The following BCCIP variants were observed in gnomAD, a reference collection of about 807,000 sequenced individuals.
The protein encoded by BCCIP is BRCA2 and CDKN1A interacting protein, also known as BRCA2 and CDKN1A-interacting protein.
In BCCIP, 23 loss-of-function variants were observed where a neutral mutation model predicts 32.8. That is an observed-to-expected ratio of 0.70 (90% CI 0.51 to 0.99). The LOEUF (loss-of-function observed/expected upper bound fraction) is 0.99, where lower values mean the gene tolerates loss of function less well. Among genes scored for constraint, BCCIP ranks in the 50% least tolerant of loss-of-function variants. BCCIP has a pLI of 0.00. For missense variants in BCCIP, 378 were observed against 379.8 expected, an observed-to-expected ratio of 1.00 and a Z score of 0.04; for synonymous variants, 144 against 137.6, an observed-to-expected ratio of 1.05 and a Z score of -0.33.
downstream of BCCIP, among the ~76,000 whole-genome samples, chr10:125,837,903 A>C (rs1338436480): frequency 6.6e-6 from 1 of 152,150 alleles, no homozygotes; most frequent in Non-Finnish European, 1.5e-5. Flanking sequence ...AAGATGGCTA[A>C]GCTCATTCCT....
intron 3 of BCCIP, among the ~76,000 whole-genome samples, chr10:125,828,745 G>C (rs549432832): frequency 4.6e-5 from 7 of 152,138 alleles, no homozygotes; most frequent in Non-Finnish European, 7.3e-5. Context: ...CATTTATTTG[G>C]CTAATGGATC....
chr10:125,827,586 C>T lies in BCCIP; in HGVS notation c.269C>T (p.Ala90Val), dbSNP rs1444395866. The T allele has an allele frequency of 5.6e-6, 9 of 1,612,734 alleles. No individual in the cohort carries two copies. Among genetic ancestry groups the T allele is most frequent in the Non-Finnish European group, 7.6e-6 (9 of 1,178,852 alleles). The change falls in exon 3 of 7, where the codon GCA becomes GTA. Residue 90 changes from alanine to valine, a missense_variant. By Grantham distance (64) the Ala-to-Val change is moderately conservative. Coordinates refer to ENST00000278100, the MANE Select transcript of BCCIP (RefSeq NM_078468.3). ...TTTCTAAAGGCTCCTGTGAACACTG[C>T]AGAACTAACAGATCTCTTAATTCAA... ...QLFLKAPVNT[A>V]ELTDLLIQQN... is the part of the protein sequence containing the mutation.
chr10:125,823,566 C>G lies in BCCIP; in HGVS notation c.9C>G (p.Ser3=). Residue 3 remains serine (S), a synonymous_variant, in exon 1 of 7, where the codon TCC becomes TCG. Coordinates refer to ENST00000278100, the MANE Select transcript of BCCIP (RefSeq NM_078468.3). MA[S]RSKRRAVESG... ...GCAGTGTGAGCGGCAACATGGCGTC[C>G]AGGTCTAAGCGGCGTGCCGTGGAAA... 1 of 1,613,766 alleles carries G rather than the reference C, an allele frequency of 6.2e-7. No homozygotes were observed. Among genetic ancestry groups the G allele is most frequent in the Non-Finnish European group, 8.5e-7 (1 of 1,179,880 alleles).
Position 125,836,245 on chromosome 10 carries a change from G to C in BCCIP, c.916G>C (p.Asp306His). The C allele has an allele frequency of 1.2e-6, 2 of 1,614,200 alleles. No homozygotes were observed. Among genetic ancestry groups the C allele is most frequent in the Non-Finnish European group, 1.7e-6 (2 of 1,180,038 alleles). The change falls in exon 7 of 7, where the codon GAT becomes CAT. Residue 306 changes from aspartate to histidine, a missense_variant. Asp to His is a moderately conservative substitution (Grantham distance 81). Transcript: ENST00000278100. Reference protein sequence around the residue: ...IPGDKMNEIMDKLKEYLSV With the variant: ...IPGDKMNEIMHKLKEYLSV Reference sequence around the variant, plus strand: ...AGGCGACAAGATGAACGAAATCATGGATAAACTGAAAGAATATCTATCTGT... The same window carrying C: ...AGGCGACAAGATGAACGAAATCATGCATAAACTGAAAGAATATCTATCTGT...
At chr10:125,842,112 T>G in exon 7 of BCCIP, 1 of 804,940 alleles carries the variant, frequency 1.2e-6, no homozygotes, top group Non-Finnish European at 1.8e-6. Context: ...GAGGGCAAAC[T>G]CAGGAGGGGA....
downstream of BCCIP, chr10:125,841,453 TTTC>T: frequency 1.9e-6 from 3 of 1,539,646 alleles, no homozygotes; most frequent in South Asian, 3.7e-5. Flanking sequence ...AGTGACACAT[TTTC>T]TTCATCTGCA....
At chr10:125,824,082 C>T (rs886850581) in intron 1 of BCCIP, among the ~76,000 whole-genome samples, 1 of 152,234 alleles carries the variant, frequency 6.6e-6, no homozygotes, top group Non-Finnish European at 1.5e-5. Flanking sequence ...CAGCTGTCCT[C>T]CTCTTCACTC....
chr10:125,838,257 C>T, downstream of BCCIP: 1 of 1,612,994 alleles, frequency 6.2e-7, no homozygotes, highest in Non-Finnish European at 8.5e-7. Flanking sequence ...CTCAGAAATG[C>T]TGAATTTATG....
downstream of BCCIP, chr10:125,841,540 G>C: frequency 7.0e-7 from 1 of 1,421,698 alleles, no homozygotes; most frequent in Admixed American, 3.1e-5. Flanking sequence ...CTTTGAGTTA[G>C]TTTTCTTAAG....
rs181041360 is a variant in BCCIP, at chr10:125,849,618, G to A, written c.851-3507G>A. ...ATTTGCTCGACTCTCTGGGCTGTTT[G>A]GGCAGTGCCAGTCCTGCCGGTAGGT... On this transcript the variant is annotated intron_variant, in intron 7 of 7. Coordinates refer to the BCCIP transcript ENST00000368759. Among the ~76,000 whole-genome samples the A allele has an allele frequency of 2.1e-4, 32 of 152,266 alleles. 1 individual carries two copies. The highest frequency in any genetic ancestry group is 7.2e-4 in the African/African-American group (30 of 41,572).
rs1212639398 is a variant in BCCIP, at chr10:125,836,129, CAG to C, written c.801_802del (p.Val268AlafsTer15). ...AAGGCAATTCTCAAGTTCAACTACTCAGTGCAGGAGGAGAGCGACACTTGTCT... is the reference window on the plus strand; with the variant it reads ...AAGGCAATTCTCAAGTTCAACTACTCTGCAGGAGGAGAGCGACACTTGTCT... On this transcript the variant is annotated frameshift_variant, in exon 7 of 7. Transcript: ENST00000278100. LOFTEE classifies it high-confidence loss of function. The C allele has an allele frequency of 1.9e-6, 3 of 1,613,726 alleles. No homozygotes were observed. The highest frequency in any genetic ancestry group is 2.5e-6 in the Non-Finnish European group (3 of 1,179,736).
In BCCIP at chr10:125,827,443, C is replaced by G. The variant is rs3740207; in HGVS notation, c.241-115C>G. 6.6e-4 allele frequency: 443 copies of G among 672,754 alleles called. 4 individuals carry two copies. The East Asian group carries it at 0.011, about 17-fold the overall frequency. 41.7% of individuals were successfully genotyped at this position (672,754 alleles called of 1,614,324 possible). On this transcript the variant is annotated intron_variant, in intron 2 of 6. Coordinates refer to ENST00000278100, the MANE Select transcript of BCCIP (RefSeq NM_078468.3). Reference sequence around the variant, plus strand: ...TTCTTTCCCTCTTGGGGTTGCTTTTCTAGATCATCATCTTAAGTCACAGAA... The same window carrying G: ...TTCTTTCCCTCTTGGGGTTGCTTTTGTAGATCATCATCTTAAGTCACAGAA...
In BCCIP at chr10:125,848,157, AG is replaced by A. The variant is rs144276314; in HGVS notation, c.851-4963del. 4.8e-3 allele frequency among the ~76,000 whole-genome samples: 729 copies of A among 152,312 alleles called. 7 individuals are homozygous for A. Among genetic ancestry groups the A allele is most frequent in the African/African-American group, 0.016 (663 of 41,558 alleles). On this transcript the variant is annotated intron_variant, in intron 7 of 7. Transcript: ENST00000368759. ...TTGGGCATTGTGTAAAAGAGTCCAC[AG>A]GGGGAGAAACTGAAGAATGAAGAGA...
chr10:125,827,265 T>C lies in BCCIP; in HGVS notation c.241-293T>C, dbSNP rs1185322459. Among the ~76,000 whole-genome samples, 14 of 152,160 alleles carry C rather than the reference T, an allele frequency of 9.2e-5. 1 individual carries two copies. Among genetic ancestry groups the C allele is most frequent in the Admixed American group, 8.5e-4 (13 of 15,286 alleles). On this transcript the variant is annotated intron_variant, in intron 2 of 6. Transcript: ENST00000278100. ...ACTTTGGTTCTTTAGCCTTTATAGC[T>C]CTACCGTCTTTTTCACCAAATTCTT... is the stretch of plus-strand genomic sequence containing the variant.
At chr10:125,849,612 C>G (rs530125322) in intron 7 of BCCIP, among the ~76,000 whole-genome samples, 1 of 152,146 alleles carries the variant, frequency 6.6e-6, no homozygotes. Flanking sequence ...ACTCTCTGGG[C>G]TGTTTGGGCA....
At chr10:125,836,761 C>A (rs773018038), downstream of BCCIP, 1 of 1,614,164 alleles carries the variant, frequency 6.2e-7, no homozygotes, top group South Asian at 1.1e-5. Context: ...ATTGTTGACA[C>A]AGGGGATAGG....
At chr10:125,841,255 G>C, downstream of BCCIP, 3 of 1,613,812 alleles carry the variant, frequency 1.9e-6, no homozygotes, top group Non-Finnish European at 2.5e-6. Flanking sequence ...ATTCCGGCAG[G>C]AGCAGGGAAA....
intron 2 of BCCIP, 43 bp from the exon 3 acceptor site, chr10:125,827,515 C>A (rs758908450): frequency 3.3e-5 from 43 of 1,290,454 alleles, no homozygotes; most frequent in Non-Finnish European, 4.8e-5. Flanking sequence ...TATTAGAAAT[C>A]ATGCTTTGAT....
At chr10:125,837,824 G>A (rs1213649495), downstream of BCCIP, among the ~76,000 whole-genome samples, 1 of 152,094 alleles carries the variant, frequency 6.6e-6, no homozygotes, top group African/African-American at 2.4e-5. Flanking sequence ...ACACCTTCTG[G>A]TGCCTGCCTC....
Sources: gnomAD v4.1 joint callset for allele counts (sites outside exome capture counted in the v4.1 genomes callset) on GRCh38, gnomAD v4.1.1 for gene constraint, MANE v1.5 for transcripts, NCBI Gene and HGNC (gene_info 2026-07-23, HGNC 2026-07-21) for gene names.